The following TSHZ3 variants were observed in gnomAD, a reference collection of about 807,000 sequenced individuals.
The protein encoded by TSHZ3 is teashirt homolog 3.
In TSHZ3, 10 loss-of-function variants were observed where a neutral mutation model predicts 64.5. The ratio of observed to expected loss-of-function variants is 0.16; its 90% CI spans 0.10 to 0.26. The LOEUF is 0.26. Ranked by LOEUF, TSHZ3 falls within the 10% of genes least tolerant of loss-of-function variation. TSHZ3 has a pLI of 1.00. For synonymous variants in TSHZ3, 608 were observed against 593.1 expected, an observed-to-expected ratio of 1.03 and a Z score of -0.36; for missense variants, 1,242 against 1,421.7, an observed-to-expected ratio of 0.87 and a Z score of 2.03.
chr19:31,235,274 G>A (rs776521611), intron 3 of TSHZ3, among the ~76,000 whole-genome samples: 24 of 152,220 alleles, frequency 1.6e-4, no homozygotes, highest in Non-Finnish European at 2.5e-4. Flanking sequence ...TCACCATGCT[G>A]TACATTAGCT....
At chr19:31,150,651 A>T (rs560616820) in exon 7 of TSHZ3, among the ~76,000 whole-genome samples, 1 of 152,274 alleles carries the variant, frequency 6.6e-6, no homozygotes, top group Admixed American at 6.5e-5. Context: ...TTTTTGCAGC[A>T]CATATTTCAG....
At position 31,278,948 on chromosome 19, in the gene TSHZ3, T is replaced by G. The variant is rs917796527; in HGVS notation, c.845A>C (p.His282Pro). The G allele has an allele frequency of 6.2e-7, 1 of 1,614,034 alleles. No individual in the cohort carries two copies. The highest frequency in any genetic ancestry group is 8.5e-7 in the Non-Finnish European group (1 of 1,180,014). ...QKVLKCMYCG[H>P]SFESLQDLSV... is the part of the protein sequence containing the mutation. ...CAAATCCTGCAGGGACTCAAAGGAG[T>G]GGCCACAGTACATGCACTTCAGCAC... Residue 282 changes from histidine to proline, a missense_variant, in exon 2 of 2, where the codon CAC becomes CCC. Physicochemically the swap from His to Pro is moderately conservative, Grantham distance 77. Around this residue, in one of 4 missense-constraint regions of TSHZ3, gnomAD observed 555 missense variants for 704.0 expected, o/e 0.79. Coordinates refer to ENST00000240587, the MANE Select transcript of TSHZ3 (RefSeq NM_020856.4). This position sits in a 1 kb window ranked among gnomAD's most constrained non-coding sequence, Gnocchi z 4.7.
intron 1 of TSHZ3, among the ~76,000 whole-genome samples, chr19:31,247,082 T>C (rs1975766048): frequency 6.6e-6 from 1 of 152,102 alleles, no homozygotes; most frequent in Non-Finnish European, 1.5e-5. Context: ...AGACAATTAG[T>C]AAATGTAGAA....
chr19:31,208,495 G>C (rs558857014), intron 4 of TSHZ3, among the ~76,000 whole-genome samples: 3 of 152,196 alleles, frequency 2.0e-5, no homozygotes, highest in Admixed American at 6.5e-5. Context: ...CAAGGTGCTA[G>C]TATTAGAAGA....
intron 1 of TSHZ3, among the ~76,000 whole-genome samples, chr19:31,256,618 T>G (rs1035953098): frequency 5.9e-5 from 9 of 152,204 alleles, no homozygotes; most frequent in African/African-American, 2.2e-4. Context: ...CATTTTCCAT[T>G]CATTCATTAT....
intron 5 of TSHZ3, among the ~76,000 whole-genome samples, chr19:31,203,880 T>C (rs1424602877): frequency 6.6e-6 from 1 of 152,004 alleles, no homozygotes; most frequent in Non-Finnish European, 1.5e-5. Flanking sequence ...GTTTTCACAC[T>C]GCTACAAAGA....
chr19:31,227,982 A>G lies in TSHZ3; in HGVS notation n.686+23T>C, dbSNP rs1026798719. Among the ~76,000 whole-genome samples, 16 of 152,158 alleles carry G rather than the reference A, an allele frequency of 1.1e-4. 1 individual carries two copies. The highest frequency in any genetic ancestry group is 6.3e-3 in the Middle Eastern group (2 of 316). On this transcript the variant is annotated intron_variant and non_coding_transcript_variant, in intron 4 of 6. Transcript: ENST00000651361. ...CCTCCATCCACACGGACCCCCAACA[A>G]GTCCATAAAACCATCATCTTACCTG...
intron 1 of TSHZ3, among the ~76,000 whole-genome samples, chr19:31,255,827 C>A (rs978540952): frequency 6.6e-6 from 1 of 152,086 alleles, no homozygotes; most frequent in African/African-American, 2.4e-5. Flanking sequence ...CCAGGTAAGC[C>A]CCCCCTTACT....
intron 5 of TSHZ3, among the ~76,000 whole-genome samples, chr19:31,203,668 T>A (rs1478947158): frequency 6.6e-6 from 1 of 151,784 alleles, no homozygotes; most frequent in Non-Finnish European, 1.5e-5. Context: ...AGCAGCAGGA[T>A]CTCCCCTCAG....
rs1250571950 is a variant in TSHZ3 at position 31,199,851 on chromosome 19, G to A, written n.809+5105C>T. Among the ~76,000 whole-genome samples the A allele has an allele frequency of 2.2e-5, 3 of 137,138 alleles. No individual in the cohort carries two copies. In the Admixed American group the frequency reaches 2.3e-4, roughly 10 times the overall value. 90.0% of individuals were successfully genotyped at this position (137,138 alleles called of 152,430 possible). On this transcript the variant is annotated intron_variant and non_coding_transcript_variant, in intron 5 of 6. Transcript: ENST00000651361. ...AGGATTGTTATCCAAAATAAACAAA[G>A]AACTCTTAAAACTCAATGAAAGAAA...
At chr19:31,315,060 T>C (rs1448365250) in intron 1 of TSHZ3, among the ~76,000 whole-genome samples, 1 of 152,206 alleles carries the variant, frequency 6.6e-6, no homozygotes, top group African/African-American at 2.4e-5. Flanking sequence ...ACTTCTGTCC[T>C]GGGCACAGAT....
At chr19:31,281,300 C>CA (rs1568368293) in intron 1 of TSHZ3, among the ~76,000 whole-genome samples, 2 of 152,270 alleles carry the variant, frequency 1.3e-5, no homozygotes, top group East Asian at 3.9e-4. Context: ...AGGCCCCCCT[C>CA]ATTCCTTCCA....
At chr19:31,250,871 G>A (rs1372925637) in intron 1 of TSHZ3, among the ~76,000 whole-genome samples, 1 of 152,180 alleles carries the variant, frequency 6.6e-6, no homozygotes, top group African/African-American at 2.4e-5. Context: ...CTAGCAGTAG[G>A]CTGGGGCAGT....
At chr19:31,181,780 TG>T (rs1261648212) in intron 5 of TSHZ3, among the ~76,000 whole-genome samples, 1 of 152,208 alleles carries the variant, frequency 6.6e-6, no homozygotes, top group Non-Finnish European at 1.5e-5. Context: ...TTGTTGTTGC[TG>T]GACATTTTTT....
chr19:31,261,803 G>T (rs1975985321), intron 1 of TSHZ3, among the ~76,000 whole-genome samples: 1 of 152,098 alleles, frequency 6.6e-6, no homozygotes, highest in Non-Finnish European at 1.5e-5. Flanking sequence ...AAAGTACTCT[G>T]TGGTTTCTCT....
chr19:31,191,431 A>G (rs1974904908), intron 5 of TSHZ3, among the ~76,000 whole-genome samples: 1 of 152,202 alleles, frequency 6.6e-6, no homozygotes, highest in African/African-American at 2.4e-5. Flanking sequence ...CTAGAATCCT[A>G]TGTCCAGTAA....
At chr19:31,196,895 C>G (rs1221615169) in intron 5 of TSHZ3, among the ~76,000 whole-genome samples, 2 of 151,922 alleles carry the variant, frequency 1.3e-5, no homozygotes, top group Non-Finnish European at 2.9e-5. Context: ...CATGAACGAA[C>G]AGACCTAGCA....
At chr19:31,231,926 A>T (rs1975545819) in intron 3 of TSHZ3, among the ~76,000 whole-genome samples, 1 of 152,124 alleles carries the variant, frequency 6.6e-6, no homozygotes. Flanking sequence ...TTAATTCCAG[A>T]CCCTGATTTA....
Position 31,277,968 on chromosome 19 carries a change from C to G in TSHZ3, c.1825G>C (p.Ala609Pro). ...ACCTTTTTCACCAGCTCCTCCATGG[C>G]ATGAAAGTTTGTCTTGGGCATGGGG... Reference protein sequence around the residue: ...TSPMPKTNFHAMEELVKKVTE... With the variant: ...TSPMPKTNFHPMEELVKKVTE... Residue 609 changes from alanine to proline, a missense_variant, in exon 2 of 2, where the codon GCC becomes CCC. Around this residue, in one of 4 missense-constraint regions of TSHZ3, gnomAD observed 550 missense variants for 545.1 expected, o/e 1.01. Transcript: ENST00000240587. This position sits in a 1 kb window ranked among gnomAD's most constrained non-coding sequence, Gnocchi z 4.5. 2 of 1,614,218 alleles carry G rather than the reference C, an allele frequency of 1.2e-6. No homozygotes were observed. The highest frequency in any genetic ancestry group is 1.7e-6 in the Non-Finnish European group (2 of 1,180,040).
Sources: allele counts gnomAD v4.1 joint callset (sites outside exome capture counted in the v4.1 genomes callset), GRCh38; gene constraint gnomAD v4.1.1; regional missense constraint gnomAD v4.1.1; non-coding constraint Gnocchi (gnomAD v3.1); transcripts MANE v1.5; gene names NCBI Gene and HGNC (gene_info 2026-07-23, HGNC 2026-07-21).